IL23R: variants seen among roughly 807,000 people sequenced by gnomAD.
IL23R encodes interleukin 23 receptor.
A neutral mutation model predicts 56.9 loss-of-function variants in IL23R; 34 were observed. The ratio of observed to expected loss-of-function variants is 0.60; its 90% CI spans 0.45 to 0.80. The LOEUF is 0.80. Among genes scored for constraint, IL23R ranks in the 30% least tolerant of loss-of-function variants. The pLI is 0.00. For synonymous variants in IL23R, 230 were observed against 249.2 expected, an observed-to-expected ratio of 0.92 and a Z score of 0.73; for missense variants, 635 against 730.0, an observed-to-expected ratio of 0.87 and a Z score of 1.50.
downstream of IL23R, among the ~76,000 whole-genome samples, chr1:67,260,568 A>C (rs115463989): frequency 6.6e-6 from 1 of 152,126 alleles, no homozygotes; most frequent in Non-Finnish European, 1.5e-5. Flanking sequence ...GCCACAATCC[A>C]TAAGGACTGG....
intron 7 of IL23R, among the ~76,000 whole-genome samples, chr1:67,222,504 G>A (rs895859338): frequency 2.0e-5 from 3 of 152,078 alleles, no homozygotes; most frequent in Admixed American, 6.6e-5. Context: ...TTAACAATTC[G>A]TGGACTTTAG....
chr1:67,261,199 T>C (rs1254676190), downstream of IL23R, among the ~76,000 whole-genome samples: 1 of 152,016 alleles, frequency 6.6e-6, no homozygotes, highest in Non-Finnish European at 1.5e-5. Flanking sequence ...CTATTGTTAA[T>C]TATGACCAAT....
intron 1 of IL23R, among the ~76,000 whole-genome samples, chr1:67,141,964 A>G (rs1646642440): frequency 6.6e-6 from 1 of 152,178 alleles, no homozygotes; most frequent in Admixed American, 6.5e-5. Flanking sequence ...TAAGACATGC[A>G]TTACATTATT....
intron 2 of IL23R, among the ~76,000 whole-genome samples, chr1:67,168,467 A>G (rs1646900061): frequency 6.6e-6 from 1 of 152,198 alleles, no homozygotes; most frequent in Non-Finnish European, 1.5e-5. Flanking sequence ...GGCATGTTCT[A>G]TTGTCAAACT....
At chr1:67,243,735 A>T (rs1410323328) in intron 9 of IL23R, among the ~76,000 whole-genome samples, 1 of 152,012 alleles carries the variant, frequency 6.6e-6, no homozygotes, top group Non-Finnish European at 1.5e-5. Flanking sequence ...TTGGTTCCAA[A>T]TCTTTGCTAT....
intron 3 of IL23R, among the ~76,000 whole-genome samples, chr1:67,171,241 C>G (rs1316128762): frequency 6.6e-6 from 1 of 151,892 alleles, no homozygotes; most frequent in African/African-American, 2.4e-5. Flanking sequence ...TTAATTTAAG[C>G]CAGAGGAAAA....
chr1:67,248,930 C>T (rs1167740750), intron 9 of IL23R, among the ~76,000 whole-genome samples: 1 of 152,144 alleles, frequency 6.6e-6, no homozygotes, highest in Non-Finnish European at 1.5e-5. Context: ...TCCCCCAGCC[C>T]CTTGTGCTTC....
At chr1:67,166,763 T>C (rs575929385) in intron 1 of IL23R, among the ~76,000 whole-genome samples, 18 of 152,314 alleles carry the variant, frequency 1.2e-4, no homozygotes, top group Admixed American at 7.2e-4. Context: ...TTAGGGCTTC[T>C]GTTGCTTCTT....
At chr1:67,262,594 T>G (rs968853499), downstream of IL23R, among the ~76,000 whole-genome samples, 2 of 152,204 alleles carry the variant, frequency 1.3e-5, no homozygotes, top group Non-Finnish European at 2.9e-5. Flanking sequence ...TTGCCACTGA[T>G]TATCTTCCAC....
chr1:67,263,315 G>A (rs1653268636), downstream of IL23R, among the ~76,000 whole-genome samples: 1 of 151,596 alleles, frequency 6.6e-6, no homozygotes. Flanking sequence ...CAAACTCCTG[G>A]GCTCAAGCAA....
chr1:67,216,022 C>T (rs1281615218), intron 6 of IL23R, among the ~76,000 whole-genome samples: 2 of 152,174 alleles, frequency 1.3e-5, no homozygotes, highest in African/African-American at 4.8e-5. Context: ...AACTGGAGCC[C>T]TCCCAACTCT....
chr1:67,179,012 G>C (rs886981525), intron 3 of IL23R, among the ~76,000 whole-genome samples: 15 of 152,104 alleles, frequency 9.9e-5, no homozygotes, highest in African/African-American at 3.4e-4. Flanking sequence ...TGTTGGATTC[G>C]GTTTGCCAGT....
intron 4 of IL23R, among the ~76,000 whole-genome samples, chr1:67,184,756 C>T (rs1185235170): frequency 6.6e-6 from 1 of 151,958 alleles, no homozygotes; most frequent in Non-Finnish European, 1.5e-5. Context: ...ATAAATGCTG[C>T]CTCATTTAAT....
At chr1:67,231,676 G>A (rs1226300902) in intron 7 of IL23R, among the ~76,000 whole-genome samples, 3 of 152,120 alleles carry the variant, frequency 2.0e-5, no homozygotes, top group African/African-American at 7.2e-5. Flanking sequence ...ACTAGCCATA[G>A]CATGATGTTT....
At chr1:67,160,311 A>C (rs2102542957) in intron 1 of IL23R, among the ~76,000 whole-genome samples, 1 of 152,320 alleles carries the variant, frequency 6.6e-6, no homozygotes, top group Non-Finnish European at 1.5e-5. Flanking sequence ...CACCAGCAAA[A>C]AACAAAAACA....
At chr1:67,161,139 A>C (rs1005127301) in intron 1 of IL23R, among the ~76,000 whole-genome samples, 1 of 152,190 alleles carries the variant, frequency 6.6e-6, no homozygotes, top group Admixed American at 6.6e-5. Flanking sequence ...AAGCAGACAG[A>C]ACAAGCGGGA....
chr1:67,243,135 C>G (rs568256579), intron 9 of IL23R, among the ~76,000 whole-genome samples: 2 of 152,130 alleles, frequency 1.3e-5, no homozygotes, highest in Non-Finnish European at 1.5e-5. Flanking sequence ...TGGTTCTCCA[C>G]GAGTCCATGC....
intron 7 of IL23R, among the ~76,000 whole-genome samples, chr1:67,227,450 T>C (rs1650696155): frequency 1.3e-5 from 2 of 148,834 alleles, no homozygotes; most frequent in Admixed American, 6.7e-5. Flanking sequence ...TTTTGACAGT[T>C]TTCCAGAGGA....
At chr1:67,159,359 A>G (rs1646796927) in intron 1 of IL23R, among the ~76,000 whole-genome samples, 1 of 152,080 alleles carries the variant, frequency 6.6e-6, no homozygotes. Context: ...CCACCATGTG[A>G]AAAAGGTGTT....
Sources: allele counts gnomAD v4.1 joint callset (sites outside exome capture counted in the v4.1 genomes callset), GRCh38; gene constraint gnomAD v4.1.1; transcripts MANE v1.5; gene names NCBI Gene and HGNC (gene_info 2026-07-23, HGNC 2026-07-21).